The following DNAJC13 variants were observed in gnomAD, a reference collection of about 807,000 sequenced individuals.
DNAJC13 encodes DnaJ heat shock protein family (Hsp40) member C13.
In DNAJC13, 75 loss-of-function variants were observed where a neutral mutation model predicts 290.5. The observed-to-expected ratio is 0.26, with a 90% CI of 0.21 to 0.31. The LOEUF (loss-of-function observed/expected upper bound fraction) is 0.31. DNAJC13 is among the 10% of genes least tolerant of loss of function. The pLI is 1.00. For synonymous variants in DNAJC13, 862 were observed against 892.0 expected, an observed-to-expected ratio of 0.97 and a Z score of 0.60; for missense variants, 2,260 against 2,674.5, an observed-to-expected ratio of 0.85 and a Z score of 3.42.
At chr3:132,465,366 T>G (rs1248446089) in intron 17 of DNAJC13, among the ~76,000 whole-genome samples, 2 of 152,242 alleles carry the variant, frequency 1.3e-5, no homozygotes, top group East Asian at 3.9e-4. Flanking sequence ...GAGCTTTCAG[T>G]TAAGGTGACA....
chr3:132,456,642 A>C, intron 11 of DNAJC13, 21 bp from the exon 12 acceptor site: 1 of 1,612,528 alleles, frequency 6.2e-7, no homozygotes, highest in South Asian at 1.1e-5. Flanking sequence ...AACTTTTTTG[A>C]AATACTCTTT....
chr3:132,427,772 T>C (rs1167550240), intron 1 of DNAJC13, among the ~76,000 whole-genome samples: 4 of 152,128 alleles, frequency 2.6e-5, no homozygotes, highest in African/African-American at 4.8e-5. Flanking sequence ...GAAAATAAGA[T>C]ATAGTAGAAT....
intron 16 of DNAJC13, among the ~76,000 whole-genome samples, chr3:132,463,181 A>G (rs1373286893): frequency 1.3e-5 from 2 of 152,260 alleles, no homozygotes; most frequent in Non-Finnish European, 2.9e-5. Flanking sequence ...TTTATTGTGC[A>G]TAAGTATAGC....
At chr3:132,426,207 T>C (rs1939085284) in intron 1 of DNAJC13, among the ~76,000 whole-genome samples, 1 of 152,134 alleles carries the variant, frequency 6.6e-6, no homozygotes, top group Non-Finnish European at 1.5e-5. Flanking sequence ...GACAGTTCTA[T>C]AAAAAGAACA....
chr3:132,511,160 G>C lies in DNAJC13; in HGVS notation c.5209G>C (p.Val1737Leu). 6.2e-7 allele frequency: 1 copy of C among 1,613,954 alleles called. No homozygotes were observed. Among genetic ancestry groups the C allele is most frequent in the African/African-American group, 1.3e-5 (1 of 74,990 alleles). ...TFMAITHAAKVESEQHGDRLP... is the reference protein window; with the variant it reads ...TFMAITHAAKLESEQHGDRLP... ...CATGGCCATCACACACGCGGCAAAA[G>C]TGGAGTCAGAGCAACATGGAGATCG... is the stretch of plus-strand genomic sequence containing the variant. Residue 1737 changes from valine to leucine, a missense_variant, in exon 44 of 56, where the codon GTG becomes CTG. Val to Leu is a conservative substitution (Grantham distance 32). This residue lies in a region of DNAJC13 where 1,494 missense variants were observed against 1,693.7 expected (regional missense o/e 0.88). Coordinates refer to ENST00000260818, the MANE Select transcript of DNAJC13 (RefSeq NM_015268.4).
intron 43 of DNAJC13, among the ~76,000 whole-genome samples, chr3:132,510,382 CT>C (rs891109892): frequency 1.3e-5 from 2 of 151,924 alleles, no homozygotes; most frequent in African/African-American, 4.8e-5. Context: ...GGAGTTTTTG[CT>C]TTCATTTTTT....
chr3:132,487,255 A>T (rs1171208786), intron 29 of DNAJC13, among the ~76,000 whole-genome samples: 1 of 149,996 alleles, frequency 6.7e-6, no homozygotes, highest in East Asian at 1.9e-4. Context: ...TAATTAATTA[A>T]TTTTATTTAT....
intron 24 of DNAJC13, among the ~76,000 whole-genome samples, chr3:132,478,946 CACTT>C (rs904792114): frequency 5.9e-5 from 9 of 152,232 alleles, no homozygotes; most frequent in East Asian, 1.9e-4. Flanking sequence ...TACATTATTT[CACTT>C]ACTTCAATTT....
At position 132,484,682 on chromosome 3, in the gene DNAJC13, G is replaced by A. The variant is rs770803463; in HGVS notation, c.3267+10G>A. The stretch of plus-strand genomic sequence containing the variant: ...TCCCCATATTATTCAGGTGAGTTAT[G>A]TAATCAAACTAGGAGCAATTTTAAG... On this transcript the variant is annotated intron_variant, in intron 29 of 55. Coordinates refer to ENST00000260818, the MANE Select transcript of DNAJC13 (RefSeq NM_015268.4). The A allele has an allele frequency of 2.2e-5, 36 of 1,604,814 alleles. No individual in the cohort carries two copies. In the South Asian group the frequency reaches 3.5e-4, roughly 16 times the overall value.
Position 132,475,050 on chromosome 3 carries a change from G to A in DNAJC13, c.2410G>A (p.Ala804Thr), listed in dbSNP as rs147543302. 3.9e-5 allele frequency: 62 copies of A among 1,609,398 alleles called. No homozygotes were observed. The highest frequency in any genetic ancestry group is 4.7e-5 in the Non-Finnish European group (55 of 1,177,862). ...AFNIDRELGS[A>T]NVISWNHHEF... Reference sequence around the variant, plus strand: ...TAATATTGACAGAGAACTTGGAAGTGCAAATGTGATCTCCTGGAACCACCA... The same window carrying A: ...TAATATTGACAGAGAACTTGGAAGTACAAATGTGATCTCCTGGAACCACCA... Residue 804 changes from alanine (A) to threonine (T), a missense_variant, in exon 22 of 56, where the codon GCA (alanine) becomes ACA (threonine). Ala to Thr is a moderately conservative substitution (Grantham distance 58). Coordinates refer to ENST00000260818, the MANE Select transcript of DNAJC13 (RefSeq NM_015268.4).
Position 132,514,663 on chromosome 3 carries a change from G to A in DNAJC13, c.5478G>A (p.Leu1826=). Residue 1826 remains leucine, a synonymous_variant, in exon 46 of 56, where the codon TTG becomes TTA. Transcript: ENST00000260818. Reference sequence around the variant, plus strand: ...GTTTATTGGCTCTTCTACATTCATTGCCATCAAGTATGTATACAGATGGAA... The same window carrying A: ...GTTTATTGGCTCTTCTACATTCATTACCATCAAGTATGTATACAGATGGAA... ...LSSLLALLHS[L]PSSRQLVLET... 6.2e-7 allele frequency: 1 copy of A among 1,608,650 alleles called. No homozygotes were observed. Among genetic ancestry groups the A allele is most frequent in the Non-Finnish European group, 8.5e-7 (1 of 1,177,174 alleles).
At chr3:132,476,921 C>T (rs1934492245) in intron 22 of DNAJC13, among the ~76,000 whole-genome samples, 1 of 152,178 alleles carries the variant, frequency 6.6e-6, no homozygotes, top group Non-Finnish European at 1.5e-5. Context: ...TCTGCCTATC[C>T]CCATTTCCTG....
intron 1 of DNAJC13, among the ~76,000 whole-genome samples, chr3:132,419,173 A>G (rs1343936802): frequency 6.6e-6 from 1 of 152,204 alleles, no homozygotes; most frequent in Non-Finnish European, 1.5e-5. Flanking sequence ...AGGAAGTAGA[A>G]CATATTAAGG....
intron 55 of DNAJC13, among the ~76,000 whole-genome samples, chr3:132,534,829 C>CA (rs1936542083): frequency 1.3e-5 from 2 of 152,144 alleles, no homozygotes. Context: ...GATGTGTGCT[C>CA]ATTGCTTGAG....
In DNAJC13 at chr3:132,456,557, G is replaced by A; in HGVS notation, c.1156G>A (p.Val386Ile). ...RFNANISYSG[V>I]LHAVTQDGLF... ...CAATGCTAATATTTCATACAGTGGA[G>A]TCCTACATGCAGTAACACAAGATGT... The change falls in exon 11 of 56, where the codon GTC becomes ATC. Residue 386 changes from valine (V) to isoleucine (I), a missense_variant. Val to Ile is a conservative substitution (Grantham distance 29). Coordinates refer to ENST00000260818, the MANE Select transcript of DNAJC13 (RefSeq NM_015268.4). 1 of 1,613,942 alleles carries A rather than the reference G, an allele frequency of 6.2e-7. No individual in the cohort carries two copies. The highest frequency in any genetic ancestry group is 1.1e-5 in the South Asian group (1 of 91,060).
chr3:132,444,546 T>A (rs546722066), intron 2 of DNAJC13, among the ~76,000 whole-genome samples: 2 of 152,354 alleles, frequency 1.3e-5, no homozygotes, highest in South Asian at 4.1e-4. Flanking sequence ...TTTCAGGCAT[T>A]CTTTCACTTT....
At chr3:132,488,151 G>C (rs1934943111) in intron 29 of DNAJC13, 147 bp from the exon 30 acceptor site, 3 of 551,930 alleles carry the variant, frequency 5.4e-6, no homozygotes, top group Non-Finnish European at 6.0e-6. Context: ...ATCTGTTGTG[G>C]GTCTGGTAGA....
At position 132,492,548 on chromosome 3, in the gene DNAJC13, G is replaced by T; in HGVS notation, c.3758G>T (p.Cys1253Phe). 6.2e-7 allele frequency: 1 copy of T among 1,613,662 alleles called. No homozygotes were observed. Among genetic ancestry groups the T allele is most frequent in the Non-Finnish European group, 8.5e-7 (1 of 1,179,744 alleles). ...CCACAACTCGAAAATGAACTATTTT[G>T]TAATATTTATTACCTCAAACAACTG... ...NYPQLENELF[C>F]NIYYLKQLCD... The change falls in exon 33 of 56, where the codon TGT becomes TTT. Residue 1253 changes from cysteine (C) to phenylalanine (F), a missense_variant. By Grantham distance (205) the Cys-to-Phe change is radical. Transcript: ENST00000260818.
At chr3:132,486,036 A>C (rs1333962390) in intron 29 of DNAJC13, among the ~76,000 whole-genome samples, 1 of 144,388 alleles carries the variant, frequency 6.9e-6, no homozygotes, top group Non-Finnish European at 1.5e-5. Context: ...TGCTTATGTA[A>C]GTCATTGATG....
Sources: gnomAD v4.1 joint callset for allele counts (sites outside exome capture counted in the v4.1 genomes callset) on GRCh38, gnomAD v4.1.1 for gene constraint, gnomAD v4.1.1 regional missense constraint, MANE v1.5 for transcripts, NCBI Gene and HGNC (gene_info 2026-07-23, HGNC 2026-07-21) for gene names.